CCDC85C: variants seen among roughly 807,000 people sequenced by gnomAD.
The protein encoded by CCDC85C is coiled-coil domain containing 85C, also known as coiled-coil domain-containing protein 85C.
In CCDC85C, 18 loss-of-function variants were observed where a neutral mutation model predicts 38.3. The ratio of observed to expected loss-of-function variants is 0.47; its 90% confidence interval spans 0.33 to 0.70. The LOEUF (loss-of-function observed/expected upper bound fraction) is 0.70, where lower values mean the gene tolerates loss of function less well. Among genes scored for constraint, CCDC85C ranks in the 30% least tolerant of loss-of-function variants. The probability of loss-of-function intolerance (pLI) is 0.03; values close to 1 mark genes in which losing one functional copy is unlikely to be tolerated. For missense variants in CCDC85C, 566 were observed against 621.2 expected, an observed-to-expected ratio of 0.91 and a Z score of 0.94; for synonymous variants, 264 against 293.8, an observed-to-expected ratio of 0.90 and a Z score of 1.04.
In CCDC85C at chr14:99,583,525, TC is replaced by T. The variant is rs1384246565; in HGVS notation, c.793+19641del. Among the ~76,000 whole-genome samples, 4 of 110,622 alleles carry T rather than the reference TC, an allele frequency of 3.6e-5. No homozygotes were observed. The East Asian group carries it at 1.1e-3, about 32-fold the overall frequency. The allele number at this position is 110,622 out of a possible 152,430, so 72.6% of individuals were successfully genotyped here. A position where few individuals can be genotyped will look rare whatever the true frequency, so the allele number is the denominator to read the frequency against. The stretch of plus-strand genomic sequence containing the variant: ...CTCAAAAAAAAAAAAAAAAAAAAAA[TC>T]CTGGGCACAGTGGCTCATGCCTGTT... On this transcript the variant is annotated intron_variant, in intron 1 of 5. Coordinates refer to ENST00000380243, the MANE Select transcript of CCDC85C (RefSeq NM_001144995.2).
chr14:99,550,143 C>T (rs1897880727), intron 1 of CCDC85C, among the ~76,000 whole-genome samples: 1 of 152,218 alleles, frequency 6.6e-6, no homozygotes, highest in African/African-American at 2.4e-5. Context: ...GATGCCCCCA[C>T]CCTAATCCTC....
chr14:99,570,908 C>T (rs1047495210), intron 1 of CCDC85C, among the ~76,000 whole-genome samples: 1 of 152,138 alleles, frequency 6.6e-6, no homozygotes, highest in Admixed American at 6.5e-5. Context: ...AAGGGGCCTC[C>T]TTCCCTCCCA....
At position 99,558,020 on chromosome 14, in the gene CCDC85C, G is replaced by A. The variant is rs754132563; in HGVS notation, c.794-21932C>T. 4.7e-4 allele frequency among the ~76,000 whole-genome samples: 72 copies of A among 152,252 alleles called. No homozygotes were observed. The highest frequency in any genetic ancestry group is 1.6e-3 in the African/African-American group (67 of 41,522). ...GATGAAATATCACAGAAGAAAGTGCGTGTGCAGCTTAATCTTAGGGGAAAA... is the reference window on the plus strand; with the variant it reads ...GATGAAATATCACAGAAGAAAGTGCATGTGCAGCTTAATCTTAGGGGAAAA... On this transcript the variant is annotated intron_variant, in intron 1 of 5. Coordinates refer to ENST00000380243, the MANE Select transcript of CCDC85C (RefSeq NM_001144995.2). The surrounding 1 kb of genome is among the most constrained non-coding windows in gnomAD (Gnocchi z 4.2).
chr14:99,550,022 A>C (rs1333980915), intron 1 of CCDC85C, among the ~76,000 whole-genome samples: 2 of 152,182 alleles, frequency 1.3e-5, no homozygotes, highest in African/African-American at 4.8e-5. Flanking sequence ...AGCGCCCTCC[A>C]TGACACACTG....
chr14:99,510,265 CTGTGCACCAGCCACCG>C lies in CCDC85C; in HGVS notation c.*4965_*4980del. ...ATTCCCCCTCCGGCCCACCCGGCCC[CTGTGCACCAGCCACCG>C]CCGCTGCCACACCGGCCCCCGCCCC... On this transcript the variant is annotated 3_prime_UTR_variant, in exon 6 of 6. Coordinates refer to ENST00000380243, the MANE Select transcript of CCDC85C (RefSeq NM_001144995.2). 1 of 1,560,586 alleles carries C rather than the reference CTGTGCACCAGCCACCG, an allele frequency of 6.4e-7. No individual in the cohort carries two copies. Among genetic ancestry groups the C allele is most frequent in the Non-Finnish European group, 8.6e-7 (1 of 1,156,634 alleles).
chr14:99,563,633 G>A (rs75292183), intron 1 of CCDC85C, among the ~76,000 whole-genome samples: 2,429 of 152,370 alleles, frequency 0.016, 64 homozygotes, highest in African/African-American at 0.055. Flanking sequence ...GCAGGGAGAT[G>A]TCAGGCACCA....
At chr14:99,594,639 AC>A (rs1348556307) in intron 1 of CCDC85C, among the ~76,000 whole-genome samples, 1 of 152,128 alleles carries the variant, frequency 6.6e-6, no homozygotes, top group Non-Finnish European at 1.5e-5. Context: ...AGGGGAGGCC[AC>A]CCCTTCCTTG....
Position 99,576,938 on chromosome 14 carries a change from C to T in CCDC85C, c.793+26229G>A, listed in dbSNP as rs1898489749. ...ACCCACACCCACTGCTGAGCTCTCCCTCGCCCCCAGGCTGCCTGGGGGCAC... is the reference window on the plus strand; with the variant it reads ...ACCCACACCCACTGCTGAGCTCTCCTTCGCCCCCAGGCTGCCTGGGGGCAC... On this transcript the variant is annotated intron_variant, in intron 1 of 5. Transcript: ENST00000380243. The surrounding 1 kb of genome is among the most constrained non-coding windows in gnomAD (Gnocchi z 4.8). Among the ~76,000 whole-genome samples the T allele has an allele frequency of 6.6e-6, 1 of 151,994 alleles. No individual in the cohort carries two copies. The highest frequency in any genetic ancestry group is 6.5e-5 in the Admixed American group (1 of 15,284).
At chr14:99,519,755 G>A (rs1473748073) in intron 3 of CCDC85C, among the ~76,000 whole-genome samples, 1 of 152,190 alleles carries the variant, frequency 6.6e-6, no homozygotes, top group Non-Finnish European at 1.5e-5. Context: ...GGTACCTGTG[G>A]CTGGACCCTG....
intron 2 of CCDC85C, among the ~76,000 whole-genome samples, chr14:99,525,515 C>G (rs1431397765): frequency 6.6e-6 from 1 of 152,254 alleles, no homozygotes; most frequent in Non-Finnish European, 1.5e-5. Context: ...CTTAGGGGAG[C>G]TGCTGTCACC....
At chr14:99,579,432 G>C (rs1450970680) in intron 1 of CCDC85C, among the ~76,000 whole-genome samples, 2 of 152,224 alleles carry the variant, frequency 1.3e-5, no homozygotes, top group African/African-American at 2.4e-5. Context: ...ACAGTGAGTG[G>C]GACCTACAGG....
intron 2 of CCDC85C, among the ~76,000 whole-genome samples, chr14:99,527,585 T>C (rs1897410611): frequency 6.6e-6 from 1 of 152,098 alleles, no homozygotes; most frequent in Non-Finnish European, 1.5e-5. Context: ...AGCTCCCCAG[T>C]CCCAGGCCCT....
At chr14:99,570,173 C>T (rs1460712758) in intron 1 of CCDC85C, among the ~76,000 whole-genome samples, 1 of 152,160 alleles carries the variant, frequency 6.6e-6, no homozygotes. Flanking sequence ...TCATCCCATC[C>T]AGCCCTCATT....
rs755939080 is a variant in CCDC85C, at chr14:99,503,250, G to A, written c.*11996C>T. ...CCCTGCCAGGGTTCTGAAGCCTGTC[G>A]GTGTCGTTGCCGTGTCCTAGCAGTG... is the stretch of plus-strand genomic sequence containing the variant. On this transcript the variant is annotated 3_prime_UTR_variant, in exon 6 of 6. Transcript: ENST00000380243. 8 of 645,664 alleles carry A rather than the reference G, an allele frequency of 1.2e-5. No individual in the cohort carries two copies. The highest frequency in any genetic ancestry group is 1.7e-5 in the South Asian group (1 of 58,258). The allele number at this position is 645,664 out of a possible 1,614,324, so 40.0% of individuals were successfully genotyped here. A position where few individuals can be genotyped will look rare whatever the true frequency, so the allele number is the denominator to read the frequency against.
intron 1 of CCDC85C, among the ~76,000 whole-genome samples, chr14:99,592,919 A>G (rs142621894): frequency 3.5e-4 from 54 of 152,392 alleles, no homozygotes; most frequent in Non-Finnish European, 4.4e-4. Context: ...CCTGCCAGCC[A>G]GGACAGAAGG....
At chr14:99,521,059 A>T (rs1172727214) in intron 3 of CCDC85C, among the ~76,000 whole-genome samples, 2 of 152,212 alleles carry the variant, frequency 1.3e-5, no homozygotes, top group Admixed American at 1.3e-4. Flanking sequence ...CCTGCAGGCC[A>T]CGCGGAAGAC....
chr14:99,561,152 G>T (rs563404939), intron 1 of CCDC85C, among the ~76,000 whole-genome samples: 26 of 152,336 alleles, frequency 1.7e-4, no homozygotes, highest in African/African-American at 6.0e-4. Context: ...CACGCCTCCA[G>T]GGCTCCCGAC....
Position 99,507,406 on chromosome 14 carries a change from G to A in CCDC85C, c.*7840C>T. On this transcript the variant is annotated 3_prime_UTR_variant, in exon 6 of 6. Coordinates refer to ENST00000380243, the MANE Select transcript of CCDC85C (RefSeq NM_001144995.2). ...AGCCTGGGCAACAAAGTGAGACCCT[G>A]TCTAAAAAATTAGCCAGGTGTGGTA... 2.2e-6 allele frequency: 1 copy of A among 463,146 alleles called. No homozygotes were observed. Among genetic ancestry groups the A allele is most frequent in the Non-Finnish European group, 4.0e-6 (1 of 250,256 alleles). 28.7% of individuals were successfully genotyped at this position (463,146 alleles called of 1,614,324 possible).
chr14:99,552,519 C>T (rs12883395), intron 1 of CCDC85C, among the ~76,000 whole-genome samples: 80,772 of 152,006 alleles, frequency 0.53, 21,659 homozygotes, highest in African/African-American at 0.58. Context: ...TCCGGTGGGA[C>T]GAGGTCAGAC....
Sources: gnomAD v4.1 joint callset for allele counts (sites outside exome capture counted in the v4.1 genomes callset) on GRCh38, gnomAD v4.1.1 for gene constraint, Gnocchi (gnomAD v3.1) non-coding constraint, MANE v1.5 for transcripts, NCBI Gene and HGNC (gene_info 2026-07-23, HGNC 2026-07-21) for gene names.